KAZN: variants seen among roughly 807,000 people sequenced by gnomAD.
The protein encoded by KAZN is kazrin, periplakin interacting protein, also known as kazrin.
KAZN carries 40 observed loss-of-function variants against 87.4 expected under a neutral mutation model. The ratio of observed to expected loss-of-function variants is 0.46; its 90% CI spans 0.36 to 0.60. KAZN has a LOEUF of 0.60. Among genes scored for constraint, KAZN ranks in the 20% least tolerant of loss-of-function variants. KAZN has a pLI of 0.00. For missense variants in KAZN, 898 were observed against 1,073.9 expected (o/e 0.84, Z 2.29); for synonymous variants, 466 against 458.3 (o/e 1.02, Z -0.22).
At chr1:14,053,012 G>A (rs1218523832) in intron 1 of KAZN, among the ~76,000 whole-genome samples, 1 of 152,148 alleles carries the variant, frequency 6.6e-6, no homozygotes, top group Non-Finnish European at 1.5e-5. Context: ...TTGAGTGTGG[G>A]CAGGGCCGGT....
chr1:14,727,288 G>T (rs1391312367), intron 1 of KAZN, among the ~76,000 whole-genome samples: 1 of 151,992 alleles, frequency 6.6e-6, no homozygotes, highest in Non-Finnish European at 1.5e-5. Flanking sequence ...GAATCAGGAT[G>T]CTTGCCAGTG....
At chr1:14,787,487 C>A (rs1396509257) in intron 1 of KAZN, among the ~76,000 whole-genome samples, 1 of 152,166 alleles carries the variant, frequency 6.6e-6, no homozygotes, top group Non-Finnish European at 1.5e-5. Context: ...CATAAAATGA[C>A]CATGGTACTA....
chr1:14,663,234 C>G (rs928612627), intron 1 of KAZN, among the ~76,000 whole-genome samples: 19 of 152,050 alleles, frequency 1.2e-4, no homozygotes, highest in African/African-American at 4.1e-4. Context: ...GCCTTTGCCT[C>G]CCAAAGTGCC....
chr1:14,629,938 G>A (rs555463383), intron 1 of KAZN, among the ~76,000 whole-genome samples: 9 of 75,516 alleles, frequency 1.2e-4, no homozygotes, highest in South Asian at 8.1e-4. Flanking sequence ...CCACCTACCC[G>A]CCCCCCTGCC....
rs16853928 is a variant in KAZN at position 14,320,604 on chromosome 1, G to A, written c.249+140012G>A. 2.8e-3 allele frequency among the ~76,000 whole-genome samples: 432 copies of A among 152,116 alleles called. 1 individual carries two copies. Among genetic ancestry groups the A allele is most frequent in the Non-Finnish European group, 3.9e-3 (268 of 68,006 alleles). ...TACCAAATCAAAAATAAAGGGGGAC[G>A]TCAGCCATAAAATCTGTTTCACAAT... On this transcript the variant is annotated intron_variant, in intron 2 of 16. Coordinates refer to the KAZN transcript ENST00000636203.
intron 2 of KAZN, among the ~76,000 whole-genome samples, chr1:15,027,958 C>T (rs566652371): frequency 6.6e-6 from 1 of 152,330 alleles, no homozygotes; most frequent in African/African-American, 2.4e-5. Flanking sequence ...AACTGAATGT[C>T]ACCTCATTGT....
chr1:14,828,084 ACAAT>A (rs1646949449), intron 1 of KAZN, among the ~76,000 whole-genome samples: 1 of 152,218 alleles, frequency 6.6e-6, no homozygotes, highest in Non-Finnish European at 1.5e-5. Flanking sequence ...GCAGACATAC[ACAAT>A]CAATCACCGA....
intron 1 of KAZN, among the ~76,000 whole-genome samples, chr1:13,942,108 G>A (rs1640949516): frequency 6.6e-6 from 1 of 152,128 alleles, no homozygotes; most frequent in African/African-American, 2.4e-5. Flanking sequence ...CTCTATTTTA[G>A]GAGTTAGAGT....
At chr1:14,540,405 CA>C (rs1199829434) in intron 2 of KAZN, among the ~76,000 whole-genome samples, 1 of 152,194 alleles carries the variant, frequency 6.6e-6, no homozygotes. Flanking sequence ...CGGGGTTAAG[CA>C]GGCTGCCTCC....
At chr1:14,374,741 G>A (rs71629879) in intron 2 of KAZN, among the ~76,000 whole-genome samples, 5,614 of 152,204 alleles carry the variant, frequency 0.037, 124 homozygotes, top group Non-Finnish European at 0.053. Flanking sequence ...ACTGCCCCTC[G>A]AGTGTAGTTT....
rs140728765 is a variant in KAZN, at chr1:14,820,828, C to A, written c.227-139856C>A. Among the ~76,000 whole-genome samples the A allele has an allele frequency of 3.5e-3, 528 of 152,178 alleles. 1 individual carries two copies. The highest frequency in any genetic ancestry group is 6.1e-3 in the Non-Finnish European group (416 of 68,014). ...GGGGAGTGAAGGGGGCCATGGCAGT[C>A]TGATGCAGGGAAGGGATACGCCCAA... On this transcript the variant is annotated intron_variant, in intron 1 of 14. Transcript: ENST00000376030. This position sits in a 1 kb window ranked among gnomAD's most constrained non-coding sequence, Gnocchi z 4.1.
intron 1 of KAZN, chr1:14,946,130 T>C (rs1255435670): frequency 6.4e-6 from 1 of 155,346 alleles, no homozygotes; most frequent in Non-Finnish European, 1.4e-5. Context: ...GGCCATCCAG[T>C]TCCAGAACCA....
intron 1 of KAZN, among the ~76,000 whole-genome samples, chr1:14,864,178 T>A (rs1651185867): frequency 6.6e-6 from 1 of 152,152 alleles, no homozygotes; most frequent in African/African-American, 2.4e-5. Flanking sequence ...CCTCAAATCT[T>A]TCTTTACAAG....
At chr1:14,079,153 G>T (rs930493551) in intron 1 of KAZN, among the ~76,000 whole-genome samples, 1 of 152,226 alleles carries the variant, frequency 6.6e-6, no homozygotes, top group Non-Finnish European at 1.5e-5. Flanking sequence ...AGGGCCTCAG[G>T]AAGCGTCAGC....
chr1:14,718,426 G>A (rs912156183), intron 1 of KAZN, among the ~76,000 whole-genome samples: 2 of 152,172 alleles, frequency 1.3e-5, no homozygotes, highest in African/African-American at 4.8e-5. Context: ...GTCCTTGCGG[G>A]GACTTTTCCA....
chr1:14,796,999 G>A (rs1645848173), intron 1 of KAZN, among the ~76,000 whole-genome samples: 1 of 152,184 alleles, frequency 6.6e-6, no homozygotes, highest in Admixed American at 6.5e-5. Flanking sequence ...TCATTTGGTG[G>A]CCACTTAGGT....
intron 1 of KAZN, among the ~76,000 whole-genome samples, chr1:14,854,534 G>A (rs146867643): frequency 3.7e-4 from 56 of 152,238 alleles, no homozygotes; most frequent in African/African-American, 1.3e-3. Flanking sequence ...GCAGACCCAC[G>A]TGAAGAGACA....
intron 2 of KAZN, among the ~76,000 whole-genome samples, chr1:14,558,481 TA>T (rs1431833772): frequency 1.3e-5 from 2 of 152,234 alleles, no homozygotes; most frequent in African/African-American, 4.8e-5. Context: ...GCCATTGTGA[TA>T]AATACAGATT....
intron 2 of KAZN, among the ~76,000 whole-genome samples, chr1:15,003,828 C>A (rs913908433): frequency 2.0e-4 from 31 of 152,114 alleles, no homozygotes; most frequent in Non-Finnish European, 3.5e-4. Flanking sequence ...GCCTGCTGTA[C>A]CCCTCTCTTA....
Sources: allele counts gnomAD v4.1 joint callset (sites outside exome capture counted in the v4.1 genomes callset), GRCh38; gene constraint gnomAD v4.1.1; non-coding constraint Gnocchi (gnomAD v3.1); transcripts MANE v1.5; gene names NCBI Gene and HGNC (gene_info 2026-07-23, HGNC 2026-07-21).